Variants in KALRN observed in about 807,000 individuals in gnomAD.
KALRN encodes kalirin RhoGEF kinase.
KALRN carries 70 observed loss-of-function variants against 353.7 expected under a neutral mutation model. The observed-to-expected ratio is 0.20, with a 90% confidence interval of 0.16 to 0.24. The LOEUF (loss-of-function observed/expected upper bound fraction) is 0.24. Among genes scored for constraint, KALRN ranks in the 10% least tolerant of loss-of-function variants. KALRN has a pLI of 1.00. For missense variants in KALRN, 2,791 were observed against 3,756.7 expected (o/e 0.74, Z 6.72); for synonymous variants, 1,391 against 1,434.8 (o/e 0.97, Z 0.69).
At chr3:124,243,344 C>T (rs181566342) in intron 3 of KALRN, among the ~76,000 whole-genome samples, 1 of 152,288 alleles carries the variant, frequency 6.6e-6, no homozygotes, top group Admixed American at 6.5e-5. Flanking sequence ...GGCTATCATG[C>T]TTCAAATGCG....
At chr3:124,626,345 G>T (rs746890650) in intron 34 of KALRN, among the ~76,000 whole-genome samples, 1 of 152,112 alleles carries the variant, frequency 6.6e-6, no homozygotes, top group Non-Finnish European at 1.5e-5. Context: ...AACATAAAAG[G>T]CTTCAACTAT....
chr3:124,337,844 A>T (rs2081291737), intron 9 of KALRN, among the ~76,000 whole-genome samples: 2 of 152,058 alleles, frequency 1.3e-5, no homozygotes, highest in South Asian at 2.1e-4. Flanking sequence ...CTATTCAGGG[A>T]TTCAACTTCT....
intron 1 of KALRN, among the ~76,000 whole-genome samples, chr3:124,074,330 A>C (rs1475489287): frequency 1.3e-5 from 2 of 152,246 alleles, no homozygotes; most frequent in Non-Finnish European, 2.9e-5. Flanking sequence ...CCATGCATTG[A>C]ATGGGCACTG....
intron 14 of KALRN, 134 bp downstream of exon 14, chr3:124,413,799 AT>A (rs540996913): frequency 2.1e-4 from 161 of 783,470 alleles, no homozygotes; most frequent in Non-Finnish European, 2.4e-4. Context: ...TTTTACCCAC[AT>A]TTTTTTTAAA....
intron 25 of KALRN, among the ~76,000 whole-genome samples, chr3:124,467,070 G>A (rs1333404814): frequency 6.6e-6 from 1 of 152,200 alleles, no homozygotes; most frequent in Non-Finnish European, 1.5e-5. Flanking sequence ...GGCTTGGCTG[G>A]AAGCTATTAG....
intron 48 of KALRN, among the ~76,000 whole-genome samples, chr3:124,673,111 GC>G (rs1448083480): frequency 6.6e-6 from 1 of 152,118 alleles, no homozygotes; most frequent in African/African-American, 2.4e-5. Context: ...CGGGCCAGAT[GC>G]GCTGGCTCAC....
intron 6 of KALRN, among the ~76,000 whole-genome samples, chr3:124,310,429 T>C (rs1400942903): frequency 6.6e-6 from 1 of 152,174 alleles, no homozygotes; most frequent in Non-Finnish European, 1.5e-5. Flanking sequence ...AAAATTCATG[T>C]GGAATTTTAG....
intron 57 of KALRN, among the ~76,000 whole-genome samples, chr3:124,707,923 T>A (rs1002702834): frequency 6.6e-6 from 1 of 152,218 alleles, no homozygotes; most frequent in African/African-American, 2.4e-5. Context: ...ATGAGGCACA[T>A]CCAAAGAAAT....
In KALRN at chr3:124,666,630, T is replaced by C. The variant is rs1222850890; in HGVS notation, c.6527T>C (p.Ile2176Thr). ...LTPGYMFKRS[I>T]KMNYLVLEEN... Reference sequence around the variant, plus strand: ...CCTGGCTACATGTTCAAAAGGAGCATCAAGGTGAGGATCCCAATGGTGATG... The same window carrying C: ...CCTGGCTACATGTTCAAAAGGAGCACCAAGGTGAGGATCCCAATGGTGATG... Residue 2176 changes from isoleucine to threonine, a missense_variant, in exon 46 of 60, where the codon ATC becomes ACC. Coordinates refer to ENST00000682506, the MANE Select transcript of KALRN (RefSeq NM_001388419.1). 3 of 1,613,604 alleles carry C rather than the reference T, an allele frequency of 1.9e-6. No individual in the cohort carries two copies. Among genetic ancestry groups the C allele is most frequent in the Non-Finnish European group, 1.7e-6 (2 of 1,179,716 alleles).
At chr3:124,489,775 T>C (rs2062945127) in intron 29 of KALRN, among the ~76,000 whole-genome samples, 1 of 152,198 alleles carries the variant, frequency 6.6e-6, no homozygotes, top group Admixed American at 6.5e-5. Context: ...ATTCATGGAC[T>C]CACCCCACAC....
At chr3:124,491,033 C>T in intron 30 of KALRN, 149 bp downstream of exon 30, 1 of 693,686 alleles carries the variant, frequency 1.4e-6, no homozygotes, top group Non-Finnish European at 2.4e-6. Context: ...ATTTGGAAAG[C>T]ACCCCACTCA....
chr3:124,411,004 T>C (rs750267628), intron 13 of KALRN, among the ~76,000 whole-genome samples: 5 of 152,190 alleles, frequency 3.3e-5, no homozygotes, highest in Non-Finnish European at 5.9e-5. Flanking sequence ...ACAATGATAC[T>C]CTACTCAGCT....
chr3:124,107,100 G>A (rs1470948912), intron 1 of KALRN, among the ~76,000 whole-genome samples: 1 of 152,188 alleles, frequency 6.6e-6, no homozygotes, highest in East Asian at 1.9e-4. Flanking sequence ...CAGGATAGGA[G>A]GAATAATTGG....
At chr3:124,409,310 A>G (rs2091920664) in intron 13 of KALRN, among the ~76,000 whole-genome samples, 1 of 152,240 alleles carries the variant, frequency 6.6e-6, no homozygotes, top group Non-Finnish European at 1.5e-5. Context: ...TCTAGCCTGA[A>G]CAAATTCTCT....
chr3:124,385,824 T>C (rs1169469506), intron 11 of KALRN, among the ~76,000 whole-genome samples: 1 of 152,154 alleles, frequency 6.6e-6, no homozygotes, highest in Non-Finnish European at 1.5e-5. Flanking sequence ...AAGTGGCCAG[T>C]AAGGAGGCAC....
intron 44 of KALRN, among the ~76,000 whole-genome samples, chr3:124,661,365 C>T (rs1247815020): frequency 1.3e-5 from 2 of 152,222 alleles, no homozygotes; most frequent in African/African-American, 4.8e-5. Flanking sequence ...TTTCACCTCC[C>T]TGTCCAAACC....
chr3:124,269,017 T>G lies in KALRN; in HGVS notation c.731T>G (p.Val244Gly). The change falls in exon 5 of 60, where the codon GTG becomes GGG. Residue 244 changes from valine (V) to glycine (G), a missense_variant. By Grantham distance (109) the Val-to-Gly change is moderately radical. This residue lies in a region of KALRN where 366 missense variants were observed against 489.2 expected (regional missense o/e 0.75). Coordinates refer to ENST00000682506, the MANE Select transcript of KALRN (RefSeq NM_001388419.1). ...QLKKKVLKAP[V>G]EELDREGQRL... ...AAGAAAAAGGTGCTGAAGGCCCCTGTGGAGGAGCTGGACCGGGAGGGGCAG... is the reference window on the plus strand; with the variant it reads ...AAGAAAAAGGTGCTGAAGGCCCCTGGGGAGGAGCTGGACCGGGAGGGGCAG... 1 of 1,613,758 alleles carries G rather than the reference T, an allele frequency of 6.2e-7. No homozygotes were observed. The highest frequency in any genetic ancestry group is 8.5e-7 in the Non-Finnish European group (1 of 1,179,896).
At chr3:124,616,903 T>C (rs1399831633) in intron 34 of KALRN, among the ~76,000 whole-genome samples, 2 of 151,520 alleles carry the variant, frequency 1.3e-5, no homozygotes, top group East Asian at 3.9e-4. Flanking sequence ...AGGCGGAGCT[T>C]GCAGTGAGCT....
At chr3:124,038,938 G>A (rs2039680761) in intron 1 of KALRN, among the ~76,000 whole-genome samples, 1 of 152,216 alleles carries the variant, frequency 6.6e-6, no homozygotes, top group Non-Finnish European at 1.5e-5. Context: ...CATTCACAGG[G>A]CATGGCCCCA....
Sources: allele counts gnomAD v4.1 joint callset (sites outside exome capture counted in the v4.1 genomes callset), GRCh38; gene constraint gnomAD v4.1.1; regional missense constraint gnomAD v4.1.1; transcripts MANE v1.5; gene names NCBI Gene and HGNC (gene_info 2026-07-23, HGNC 2026-07-21).